Variants in FUT8 observed in about 807,000 individuals in gnomAD.
FUT8 encodes the protein alpha-(1,6)-fucosyltransferase.
In FUT8, 29 loss-of-function variants were observed where a neutral mutation model predicts 71.3. That is an observed-to-expected ratio of 0.41 (90% CI 0.30 to 0.55). The LOEUF is 0.55. Ranked by LOEUF, FUT8 falls within the 20% of genes least tolerant of loss-of-function variation. FUT8 has a pLI of 0.34. For synonymous variants in FUT8, 254 were observed against 239.3 expected (o/e 1.06, Z -0.57); for missense variants, 544 against 702.1 (o/e 0.77, Z 2.55).
chr14:65,423,066 A>G (rs1457603134), intron 1 of FUT8, among the ~76,000 whole-genome samples: 1 of 145,818 alleles, frequency 6.9e-6, no homozygotes. Flanking sequence ...GCTCACTGCA[A>G]CCTCCGCCTT....
rs777736990 is a variant in FUT8 at position 65,677,160 on chromosome 14, G to GCGCA, written c.835+7681_835+7682insGCAC. ...TGTGTGTGTGTGTGTGTGCGCGCGC[G>GCGCA]CATGCGCGCGCACGTATGTGTGTGC... On this transcript the variant is annotated intron_variant, in intron 7 of 10. Coordinates refer to ENST00000673929, the MANE Select transcript of FUT8 (RefSeq NM_001371533.1). Among the ~76,000 whole-genome samples, 650 of 115,020 alleles carry GCGCA rather than the reference G, an allele frequency of 5.7e-3. 10 individuals carry two copies. The highest frequency in any genetic ancestry group is 8.0e-3 in the Non-Finnish European group (472 of 59,086). The allele number at this position is 115,020 out of a possible 152,430, so 75.5% of individuals were successfully genotyped here.
intron 5 of FUT8, among the ~76,000 whole-genome samples, chr14:65,625,707 T>A: frequency 6.6e-6 from 1 of 152,234 alleles, no homozygotes; most frequent in Non-Finnish European, 1.5e-5. Flanking sequence ...GAACTGTTGT[T>A]CCAAAGCATC....
At chr14:65,666,559 A>C (rs1188555356) in intron 6 of FUT8, among the ~76,000 whole-genome samples, 2 of 152,094 alleles carry the variant, frequency 1.3e-5, no homozygotes, top group Non-Finnish European at 2.9e-5. Flanking sequence ...CATCCAGAAA[A>C]GTCCCAGGAC....
intron 1 of FUT8, among the ~76,000 whole-genome samples, chr14:65,419,841 T>G (rs2065267993): frequency 6.6e-6 from 1 of 152,194 alleles, no homozygotes; most frequent in Non-Finnish European, 1.5e-5. Flanking sequence ...GTGAGAAATG[T>G]AGATGTACTG....
chr14:65,530,180 C>G (rs968777306), intron 2 of FUT8, among the ~76,000 whole-genome samples: 6 of 152,252 alleles, frequency 3.9e-5, no homozygotes, highest in African/African-American at 1.2e-4. Flanking sequence ...ATTATGACCT[C>G]TTGTGTTTTT....
intron 2 of FUT8, among the ~76,000 whole-genome samples, chr14:65,554,209 T>A (rs1885452916): frequency 6.6e-6 from 1 of 151,984 alleles, no homozygotes; most frequent in African/African-American, 2.4e-5. Flanking sequence ...TGTTGAAGAT[T>A]TTCTGATATA....
chr14:65,666,925 T>A (rs751678450), intron 6 of FUT8, among the ~76,000 whole-genome samples: 127 of 152,020 alleles, frequency 8.4e-4, no homozygotes, highest in Admixed American at 1.9e-3. Flanking sequence ...AACAAAAAAA[T>A]TATCTCAATA....
At chr14:65,737,402 T>C (rs746162435) in intron 10 of FUT8, among the ~76,000 whole-genome samples, 1 of 152,130 alleles carries the variant, frequency 6.6e-6, no homozygotes, top group African/African-American at 2.4e-5. Flanking sequence ...TTGAAAGCTA[T>C]GCAACTACAT....
At chr14:65,470,985 T>C in intron 2 of FUT8, 1 of 412,864 alleles carries the variant, frequency 2.4e-6, no homozygotes, top group South Asian at 1.8e-5. Flanking sequence ...CTGTCCTTGC[T>C]TTTATCTGCC....
chr14:65,595,775 A>T (rs1887944739), intron 3 of FUT8, among the ~76,000 whole-genome samples: 1 of 151,578 alleles, frequency 6.6e-6, no homozygotes, highest in Admixed American at 6.6e-5. Flanking sequence ...CCCCTGGCTA[A>T]TTTTTTTGTA....
the FUT8 span, among the ~76,000 whole-genome samples, chr14:65,357,436 C>G: frequency 2.0e-5 from 3 of 152,182 alleles, no homozygotes; most frequent in African/African-American, 4.8e-5. Flanking sequence ...GCAAAATACC[C>G]AGATTCACTG....
intron 2 of FUT8, among the ~76,000 whole-genome samples, chr14:65,543,668 G>A (rs557835713): frequency 7.2e-5 from 11 of 152,256 alleles, no homozygotes; most frequent in African/African-American, 2.6e-4. Flanking sequence ...ATTCTGATTA[G>A]TCTAAGCTGG....
At chr14:65,425,372 TAGTC>T (rs1461311789) in intron 1 of FUT8, among the ~76,000 whole-genome samples, 12 of 151,504 alleles carry the variant, frequency 7.9e-5, no homozygotes, top group Non-Finnish European at 1.5e-4. Context: ...TTCTCCATGT[TAGTC>T]AGGCTAGTCT....
chr14:65,365,328 CCTCTCT>C, the FUT8 span, among the ~76,000 whole-genome samples: 1,675 of 139,046 alleles, frequency 0.012, 29 homozygotes, highest in African/African-American at 0.034. Context: ...ATAAATTCTT[CCTCTCT>C]CTCTCTCTCT....
At chr14:65,604,072 T>C (rs1018582567) in intron 3 of FUT8, among the ~76,000 whole-genome samples, 5 of 151,546 alleles carry the variant, frequency 3.3e-5, no homozygotes, top group East Asian at 1.9e-4. Flanking sequence ...CCTAAACATA[T>C]ACACACCTAA....
At chr14:65,424,670 TC>T (rs1431880046) in intron 1 of FUT8, among the ~76,000 whole-genome samples, 1 of 151,944 alleles carries the variant, frequency 6.6e-6, no homozygotes, top group Non-Finnish European at 1.5e-5. Context: ...CCCGTCTTTT[TC>T]TTTTTTTGAC....
At chr14:65,611,772 T>C (rs1278559035) in intron 3 of FUT8, among the ~76,000 whole-genome samples, 1 of 152,176 alleles carries the variant, frequency 6.6e-6, no homozygotes, top group Non-Finnish European at 1.5e-5. Flanking sequence ...GCAGTTCTCC[T>C]GCCTCAGCCT....
intron 2 of FUT8, among the ~76,000 whole-genome samples, chr14:65,513,536 A>C (rs191105905): frequency 1.3e-5 from 2 of 152,252 alleles, no homozygotes; most frequent in African/African-American, 4.8e-5. Context: ...TAGTGACCCT[A>C]CAGGGAATTA....
At position 65,682,524 on chromosome 14, in the gene FUT8, C is replaced by T. The variant is rs567124060; in HGVS notation, c.835+13044C>T. Among the ~76,000 whole-genome samples, 8 of 151,880 alleles carry T rather than the reference C, an allele frequency of 5.3e-5. No homozygotes were observed. In the South Asian group the frequency reaches 1.5e-3, roughly 28 times the overall value. ...TGTCTCAGAAAAAAAAAAAGGAACC[C>T]CAAGGGATTGGAGGTTGTAGTCATT... On this transcript the variant is annotated intron_variant, in intron 7 of 10. Coordinates refer to ENST00000673929, the MANE Select transcript of FUT8 (RefSeq NM_001371533.1).
Sources: gnomAD v4.1 joint callset for allele counts (sites outside exome capture counted in the v4.1 genomes callset) on GRCh38, gnomAD v4.1.1 for gene constraint, MANE v1.5 for transcripts, NCBI Gene and HGNC (gene_info 2026-07-23, HGNC 2026-07-21) for gene names.